The following VTA1 variants were observed in gnomAD, a reference collection of about 807,000 sequenced individuals.
VTA1 encodes the protein vesicle trafficking 1, also known as vacuolar protein sorting-associated protein VTA1 homolog.
VTA1 carries 24 observed loss-of-function variants against 36.9 expected under a neutral mutation model. The ratio of observed to expected loss-of-function variants is 0.65; its 90% CI spans 0.47 to 0.91. The LOEUF (loss-of-function observed/expected upper bound fraction) is 0.91. Among genes scored for constraint, VTA1 ranks in the 40% least tolerant of loss-of-function variants. The pLI, the probability that VTA1 is intolerant of heterozygous loss-of-function variation, is 0.00. For missense variants in VTA1, 393 were observed against 377.2 expected (o/e 1.04, Z -0.35); for synonymous variants, 142 against 130.2 (o/e 1.09, Z -0.62).
intron 1 of VTA1, among the ~76,000 whole-genome samples, chr6:142,149,456 T>C (rs1362084897): frequency 2.0e-5 from 3 of 152,234 alleles, no homozygotes; most frequent in African/African-American, 7.2e-5. Context: ...TGGTGGTGTC[T>C]CATTGGAGCG....
At chr6:142,207,883 A>G (rs953313532) in intron 7 of VTA1, among the ~76,000 whole-genome samples, 1 of 152,090 alleles carries the variant, frequency 6.6e-6, no homozygotes, top group African/African-American at 2.4e-5. Context: ...CAGGAGTTCA[A>G]GAGCAGCCTG....
intron 4 of VTA1, among the ~76,000 whole-genome samples, chr6:142,189,165 C>T (rs953757876): frequency 6.6e-6 from 1 of 152,170 alleles, no homozygotes; most frequent in Non-Finnish European, 1.5e-5. Context: ...TCCTGTTTTT[C>T]CGTTGCATAT....
chr6:142,175,174 A>G (rs1264320334), intron 4 of VTA1, among the ~76,000 whole-genome samples: 1 of 152,136 alleles, frequency 6.6e-6, no homozygotes, highest in Non-Finnish European at 1.5e-5. Context: ...TGAATTATGC[A>G]ATTTACATAA....
intron 2 of VTA1, among the ~76,000 whole-genome samples, chr6:142,167,743 A>G (rs941034301): frequency 2.6e-5 from 4 of 152,204 alleles, no homozygotes; most frequent in African/African-American, 7.2e-5. Flanking sequence ...GAGGAAATTC[A>G]GCTGTTCTGG....
In VTA1 at chr6:142,156,233, C is replaced by T. The variant is rs531395949; in HGVS notation, c.112+8834C>T. Among the ~76,000 whole-genome samples, 33 of 151,962 alleles carry T rather than the reference C, an allele frequency of 2.2e-4. No individual in the cohort carries two copies. The South Asian group carries it at 6.0e-3, about 28-fold the overall frequency. On this transcript the variant is annotated intron_variant, in intron 1 of 7. Transcript: ENST00000367630. ...ATAAACAAAGTCAGATTAAAAAAAA[C>T]GGTTGAATGAAAAATTGTTGGTAGT...
intron 5 of VTA1, among the ~76,000 whole-genome samples, chr6:142,192,340 CG>C (rs1160205775): frequency 1.3e-5 from 2 of 151,852 alleles, no homozygotes; most frequent in Admixed American, 6.6e-5. Flanking sequence ...CAATGATGTT[CG>C]GTAGCTTAGG....
At chr6:142,148,234 A>G (rs551789620) in intron 1 of VTA1, among the ~76,000 whole-genome samples, 1 of 152,316 alleles carries the variant, frequency 6.6e-6, no homozygotes, top group African/African-American at 2.4e-5. Context: ...ATTGTTGTGT[A>G]TATTGTAAGG....
intron 5 of VTA1, 47 bp from the exon 6 acceptor site, chr6:142,198,392 G>A: frequency 6.4e-7 from 1 of 1,557,838 alleles, no homozygotes; most frequent in Non-Finnish European, 8.7e-7. Context: ...CCTAGCACTT[G>A]TATTTCAAAA....
At chr6:142,179,517 C>A (rs1358322377) in intron 4 of VTA1, among the ~76,000 whole-genome samples, 1 of 151,660 alleles carries the variant, frequency 6.6e-6, no homozygotes, top group Non-Finnish European at 1.5e-5. Context: ...GTATTAGATA[C>A]AAAAAGGAAC....
intron 4 of VTA1, among the ~76,000 whole-genome samples, chr6:142,177,042 C>A (rs1775139128): frequency 6.6e-6 from 1 of 152,166 alleles, no homozygotes; most frequent in Non-Finnish European, 1.5e-5. Flanking sequence ...TATTTTCCAA[C>A]TACAAAAGCA....
chr6:142,153,767 C>T (rs151168199), intron 1 of VTA1, among the ~76,000 whole-genome samples: 2 of 152,204 alleles, frequency 1.3e-5, no homozygotes, highest in East Asian at 1.9e-4. Flanking sequence ...ATATTTGAAA[C>T]ATCCCTCCAT....
At chr6:142,177,145 GAGAGT>G (rs1334923805) in intron 4 of VTA1, among the ~76,000 whole-genome samples, 2 of 152,148 alleles carry the variant, frequency 1.3e-5, no homozygotes, top group Non-Finnish European at 1.5e-5. Flanking sequence ...AGATAAATAT[GAGAGT>G]AGAGTTATGT....
intron 7 of VTA1, among the ~76,000 whole-genome samples, chr6:142,211,723 A>G (rs1456434011): frequency 6.6e-6 from 1 of 151,990 alleles, no homozygotes; most frequent in East Asian, 1.9e-4. Flanking sequence ...AAAAAAAAAA[A>G]AAAAAATGAA....
chr6:142,171,616 C>CT (rs1775030474), intron 4 of VTA1, among the ~76,000 whole-genome samples: 1 of 152,128 alleles, frequency 6.6e-6, no homozygotes, highest in African/African-American at 2.4e-5. Context: ...AAATTTACTA[C>CT]TTTAAGTTCA....
At chr6:142,211,482 A>G (rs1271162208) in intron 7 of VTA1, among the ~76,000 whole-genome samples, 1 of 152,108 alleles carries the variant, frequency 6.6e-6, no homozygotes, top group Non-Finnish European at 1.5e-5. Flanking sequence ...AGAAAATGAA[A>G]AGACAGATCA....
At chr6:142,190,222 A>G (rs935012575) in intron 5 of VTA1, among the ~76,000 whole-genome samples, 1 of 152,200 alleles carries the variant, frequency 6.6e-6, no homozygotes, top group African/African-American at 2.4e-5. Context: ...GGTTCAAAAA[A>G]ATTGTAGAGT....
intron 7 of VTA1, among the ~76,000 whole-genome samples, chr6:142,210,999 G>T (rs1775891950): frequency 6.6e-6 from 1 of 152,108 alleles, no homozygotes; most frequent in South Asian, 2.1e-4. Context: ...AAAAGGAAAA[G>T]AATTCTGTTA....
At chr6:142,157,509 C>A (rs527513000) in intron 1 of VTA1, among the ~76,000 whole-genome samples, 1 of 152,128 alleles carries the variant, frequency 6.6e-6, no homozygotes, top group Admixed American at 6.5e-5. Flanking sequence ...AAAATTATTT[C>A]TTTCCTTTTT....
At chr6:142,189,713 G>A (rs1775414774) in intron 5 of VTA1, among the ~76,000 whole-genome samples, 179 bp downstream of exon 5, 2 of 151,694 alleles carry the variant, frequency 1.3e-5, no homozygotes, top group African/African-American at 4.8e-5. Context: ...AGGTCAAACT[G>A]CTGTAATACC....
Sources: allele counts gnomAD v4.1 joint callset (sites outside exome capture counted in the v4.1 genomes callset), GRCh38; gene constraint gnomAD v4.1.1; transcripts MANE v1.5; gene names NCBI Gene and HGNC (gene_info 2026-07-23, HGNC 2026-07-21).